IMMP2L: variants seen among roughly 807,000 people sequenced by gnomAD.
IMMP2L encodes the protein mitochondrial inner membrane protease subunit 2.
A neutral mutation model predicts 19.3 loss-of-function variants in IMMP2L; 18 were observed. The observed-to-expected ratio is 0.93, with a 90% CI of 0.64 to 1.38. The LOEUF (loss-of-function observed/expected upper bound fraction) is 1.38, where lower values mean the gene tolerates loss of function less well. Among genes scored for constraint, IMMP2L ranks in the 40% most tolerant of loss-of-function variants. The pLI, the probability that IMMP2L is intolerant of heterozygous loss-of-function variation, is 0.00. For missense variants in IMMP2L, 233 were observed against 218.2 expected (o/e 1.07, Z -0.43); for synonymous variants, 76 against 73.0 (o/e 1.04, Z -0.21).
intron 3 of IMMP2L, among the ~76,000 whole-genome samples, chr7:111,129,922 C>T (rs569397843): frequency 2.6e-5 from 4 of 152,182 alleles, no homozygotes; most frequent in South Asian, 2.1e-4. Flanking sequence ...AAGAATATTA[C>T]AGCAGAATAT....
At chr7:110,681,870 T>C (rs1305095087) in intron 5 of IMMP2L, among the ~76,000 whole-genome samples, 8 of 152,096 alleles carry the variant, frequency 5.3e-5, no homozygotes, top group African/African-American at 1.2e-4. Context: ...CAGGTTCTCA[T>C]TGGGGAAACG....
chr7:111,522,938 T>TATATATATA (rs199823915), intron 1 of IMMP2L, among the ~76,000 whole-genome samples: 8 of 148,808 alleles, frequency 5.4e-5, no homozygotes, highest in African/African-American at 1.8e-4. Context: ...TATATATATA[T>TATATATATA]TATTTCACCA....
chr7:110,786,814 G>A (rs1396879325), intron 5 of IMMP2L, among the ~76,000 whole-genome samples: 1 of 151,928 alleles, frequency 6.6e-6, no homozygotes, highest in East Asian at 1.9e-4. Flanking sequence ...GCTGCCAAAG[G>A]GCATGTTGGG....
intron 3 of IMMP2L, among the ~76,000 whole-genome samples, chr7:111,382,401 T>C (rs2131237317): frequency 6.6e-6 from 1 of 152,106 alleles, no homozygotes; most frequent in Middle Eastern, 3.4e-3. Flanking sequence ...ACTGATGACC[T>C]TCATGAAGGC....
intron 3 of IMMP2L, among the ~76,000 whole-genome samples, chr7:111,021,993 G>C (rs1303253512): frequency 6.6e-6 from 1 of 152,138 alleles, no homozygotes. Context: ...CATGACATGT[G>C]GGAATTATGG....
intron 3 of IMMP2L, among the ~76,000 whole-genome samples, chr7:111,416,595 C>A (rs985517352): frequency 1.3e-5 from 2 of 151,656 alleles, no homozygotes; most frequent in African/African-American, 2.4e-5. Context: ...AGTTTTAACC[C>A]CTGCTTTGAA....
intron 5 of IMMP2L, among the ~76,000 whole-genome samples, chr7:110,788,225 C>T (rs1336613237): frequency 6.6e-6 from 1 of 152,000 alleles, no homozygotes; most frequent in Non-Finnish European, 1.5e-5. Flanking sequence ...GTTTTATTTT[C>T]CTTTCATTTG....
chr7:111,298,477 C>T (rs1286578353), intron 3 of IMMP2L, among the ~76,000 whole-genome samples: 3 of 152,068 alleles, frequency 2.0e-5, no homozygotes, highest in African/African-American at 4.8e-5. Context: ...GGGCCAAGCA[C>T]GGTGGCTCTC....
chr7:111,487,398 T>C, intron 2 of IMMP2L, 57 bp from the exon 3 acceptor site: 1 of 981,848 alleles, frequency 1.0e-6, no homozygotes, highest in Non-Finnish European at 1.6e-6. Context: ...ATCTTCATGG[T>C]TCTTGCACTT....
intron 3 of IMMP2L, among the ~76,000 whole-genome samples, chr7:111,436,057 T>C (rs1837134360): frequency 6.6e-6 from 1 of 151,628 alleles, no homozygotes; most frequent in Non-Finnish European, 1.5e-5. Flanking sequence ...GGACTTCAAT[T>C]AGATGGCACT....
intron 3 of IMMP2L, among the ~76,000 whole-genome samples, chr7:111,418,229 G>A (rs900608590): frequency 6.6e-6 from 1 of 151,518 alleles, no homozygotes; most frequent in Non-Finnish European, 1.5e-5. Context: ...ATATAAATTT[G>A]CATCTGTAAT....
At chr7:110,935,850 T>C (rs113393128) in intron 4 of IMMP2L, among the ~76,000 whole-genome samples, 2 of 151,836 alleles carry the variant, frequency 1.3e-5, no homozygotes, top group Non-Finnish European at 2.9e-5. Context: ...CCAAAACAGA[T>C]ATATAGACCA....
intron 3 of IMMP2L, among the ~76,000 whole-genome samples, chr7:111,486,714 A>G (rs1332981266): frequency 6.6e-6 from 1 of 152,120 alleles, no homozygotes; most frequent in African/African-American, 2.4e-5. Flanking sequence ...GAAATTTTTG[A>G]TCCTGACCAG....
intron 3 of IMMP2L, among the ~76,000 whole-genome samples, chr7:111,099,559 G>T (rs1289944673): frequency 6.6e-6 from 1 of 151,642 alleles, no homozygotes; most frequent in African/African-American, 2.4e-5. Context: ...GCTATCAGGG[G>T]AGTCCTTCAA....
rs1203751821 is a variant in IMMP2L, at chr7:110,727,115, C to T, written c.409-63394G>A. On this transcript the variant is annotated intron_variant, in intron 5 of 5. Coordinates refer to ENST00000405709, the MANE Select transcript of IMMP2L (RefSeq NM_032549.4). The surrounding 1 kb of genome is among the most constrained non-coding windows in gnomAD (Gnocchi z 4.3). ...AAATCCTCCAAGTCCAGGCTGGGTG[C>T]AATGGCTCACGCCTATAATTCCAGA... is the stretch of plus-strand genomic sequence containing the variant. 6.6e-6 allele frequency among the ~76,000 whole-genome samples: 1 copy of T among 152,206 alleles called. No individual in the cohort carries two copies. The highest frequency in any genetic ancestry group is 1.5e-5 in the Non-Finnish European group (1 of 68,042).
intron 3 of IMMP2L, among the ~76,000 whole-genome samples, chr7:111,193,494 T>C (rs1254902985): frequency 3.9e-5 from 6 of 152,186 alleles, no homozygotes; most frequent in Admixed American, 6.5e-5. Context: ...GAGTCAAACA[T>C]TGAGCATCCA....
intron 5 of IMMP2L, among the ~76,000 whole-genome samples, chr7:110,802,507 G>A (rs1371426118): frequency 1.3e-5 from 2 of 151,790 alleles, no homozygotes; most frequent in Non-Finnish European, 2.9e-5. Flanking sequence ...ATTTATAAAT[G>A]TACTATAAAA....
At position 110,745,710 on chromosome 7, in the gene IMMP2L, T is replaced by C. The variant is rs543830035; in HGVS notation, c.409-81989A>G. ...ACAGACAAGTAAATGCTGAGAGATT[T>C]TGTCACCACCAGGCCTGCCCTACAG... On this transcript the variant is annotated intron_variant, in intron 5 of 5. Transcript: ENST00000405709. Among the ~76,000 whole-genome samples, 135 of 152,290 alleles carry C rather than the reference T, an allele frequency of 8.9e-4. 1 individual carries two copies. The highest frequency in any genetic ancestry group is 3.1e-3 in the African/African-American group (128 of 41,554).
intron 4 of IMMP2L, among the ~76,000 whole-genome samples, chr7:110,896,470 C>CA (rs869089543): frequency 1.1e-5 from 1 of 91,400 alleles, no homozygotes; most frequent in African/African-American, 7.2e-5. Flanking sequence ...TTTTATTTTT[C>CA]AAAAAAAATA....
Sources: gnomAD v4.1 joint callset for allele counts (sites outside exome capture counted in the v4.1 genomes callset) on GRCh38, gnomAD v4.1.1 for gene constraint, Gnocchi (gnomAD v3.1) non-coding constraint, MANE v1.5 for transcripts, NCBI Gene and HGNC (gene_info 2026-07-23, HGNC 2026-07-21) for gene names.